The following APBB1IP variants were observed in gnomAD, a reference collection of about 807,000 sequenced individuals.
APBB1IP encodes amyloid beta A4 precursor protein-binding family B member 1-interacting protein.
APBB1IP carries 27 observed loss-of-function variants against 64.9 expected under a neutral mutation model. That is an observed-to-expected ratio of 0.42 (90% confidence interval 0.31 to 0.57). The LOEUF (loss-of-function observed/expected upper bound fraction) is 0.57. Ranked by LOEUF, APBB1IP falls within the 20% of genes least tolerant of loss-of-function variation. The pLI is 0.20. For missense variants in APBB1IP, 812 were observed against 845.5 expected, an observed-to-expected ratio of 0.96 and a Z score of 0.49; for synonymous variants, 392 against 331.0, an observed-to-expected ratio of 1.18 and a Z score of -2.00.
intron 2 of APBB1IP, among the ~76,000 whole-genome samples, chr10:26,472,934 C>CAAAA (rs879867349): frequency 2.7e-5 from 4 of 148,950 alleles, no homozygotes; most frequent in Non-Finnish European, 3.0e-5. Context: ...GAGACTTCAT[C>CAAAA]AAAAACAAAA....
intron 2 of APBB1IP, among the ~76,000 whole-genome samples, chr10:26,454,629 G>A (rs1337050260): frequency 6.6e-6 from 1 of 152,172 alleles, no homozygotes; most frequent in African/African-American, 2.4e-5. Context: ...AAACCAGAAA[G>A]AATGAATAAG....
At chr10:26,526,287 G>A (rs1338773896) in intron 8 of APBB1IP, among the ~76,000 whole-genome samples, 1 of 152,220 alleles carries the variant, frequency 6.6e-6, no homozygotes, top group Non-Finnish European at 1.5e-5. Flanking sequence ...CTTACATAAG[G>A]TAAAGTCAGT....
intron 2 of APBB1IP, among the ~76,000 whole-genome samples, chr10:26,449,179 T>A (rs1028456275): frequency 6.6e-6 from 1 of 152,216 alleles, no homozygotes; most frequent in Non-Finnish European, 1.5e-5. Flanking sequence ...AGTGGCTTAG[T>A]CTTTTAAAAG....
intron 2 of APBB1IP, among the ~76,000 whole-genome samples, chr10:26,465,571 GA>G (rs1183545332): frequency 6.6e-6 from 1 of 151,982 alleles, no homozygotes; most frequent in Non-Finnish European, 1.5e-5. Flanking sequence ...ATTCTCCATA[GA>G]AAAGATATTT....
chr10:26,511,669 A>T (rs569768380), intron 6 of APBB1IP, 78 bp from the exon 7 acceptor site: 1 of 1,538,350 alleles, frequency 6.5e-7, no homozygotes, highest in African/African-American at 1.4e-5. Flanking sequence ...CAGAAACAAT[A>T]GCAACTTTGA....
At chr10:26,494,054 A>G (rs1483714036) in intron 3 of APBB1IP, among the ~76,000 whole-genome samples, 1 of 152,094 alleles carries the variant, frequency 6.6e-6, no homozygotes. Flanking sequence ...CCCAGGCTGG[A>G]TATCATCTTT....
chr10:26,463,859 G>T (rs1254903022), intron 2 of APBB1IP, among the ~76,000 whole-genome samples: 2 of 152,148 alleles, frequency 1.3e-5, no homozygotes, highest in Non-Finnish European at 2.9e-5. Context: ...AGCCCCACAT[G>T]CATTAGGTAT....
At chr10:26,515,721 C>T (rs777876348) in intron 8 of APBB1IP, among the ~76,000 whole-genome samples, 80 of 152,134 alleles carry the variant, frequency 5.3e-4, no homozygotes, top group Non-Finnish European at 5.1e-4. Context: ...GTGGGAGAGC[C>T]GGAGATTACC....
chr10:26,510,072 C>G (rs1371292084), intron 6 of APBB1IP, among the ~76,000 whole-genome samples: 1 of 152,140 alleles, frequency 6.6e-6, no homozygotes. Context: ...CAGTTTCAAG[C>G]GATTCTCCTG....
chr10:26,457,441 C>T lies in APBB1IP; in HGVS notation c.-1+18588C>T, dbSNP rs572884516. Among the ~76,000 whole-genome samples the T allele has an allele frequency of 1.7e-4, 26 of 152,316 alleles. No homozygotes were observed. In the South Asian group the frequency reaches 5.2e-3, roughly 30 times the overall value. ...AGGTATCAGCCACTGTGCCTGGCCT[C>T]ACCTTTGATTTTGGTATCCTTTACC... On this transcript the variant is annotated intron_variant, in intron 2 of 14. Transcript: ENST00000376236.
intron 11 of APBB1IP, among the ~76,000 whole-genome samples, chr10:26,543,355 A>G (rs57673326): frequency 0.054 from 8,128 of 151,342 alleles, 594 homozygotes; most frequent in East Asian, 0.21. Flanking sequence ...TAGTCCCGCT[A>G]CTTGGGGGGC....
intron 2 of APBB1IP, among the ~76,000 whole-genome samples, chr10:26,459,177 A>T (rs1161522658): frequency 2.1e-5 from 3 of 144,780 alleles, no homozygotes; most frequent in Non-Finnish European, 4.5e-5. Context: ...CCTATGAGTG[A>T]GAACATGCGG....
Position 26,500,881 on chromosome 10 carries a change from A to G in APBB1IP, c.223A>G (p.Ile75Val). 1.2e-6 allele frequency: 2 copies of G among 1,614,230 alleles called. No individual in the cohort carries two copies. The highest frequency in any genetic ancestry group is 1.7e-6 in the Non-Finnish European group (2 of 1,180,028). The change falls in exon 5 of 15, where the codon ATA becomes GTA. Residue 75 changes from isoleucine (I) to valine (V), a missense_variant. Ile to Val is a conservative substitution (Grantham distance 29). Coordinates refer to ENST00000376236, the MANE Select transcript of APBB1IP (RefSeq NM_019043.4). ...TCTCATGGCAGATCTGGTAGCAGAC[A>G]TAAGTGAGGCTGAGCAGAGGACAAT... ...DALMADLVAD[I>V]SEAEQRTIQA... is the part of the protein sequence containing the mutation.
chr10:26,537,399 T>C (rs781236367), intron 10 of APBB1IP, among the ~76,000 whole-genome samples: 8 of 152,100 alleles, frequency 5.3e-5, no homozygotes, highest in African/African-American at 9.7e-5. Context: ...AGGAGGGGCA[T>C]TATGGCTAAC....
rs1224847336 is a variant in APBB1IP at position 26,548,783 on chromosome 10, GCAAA to G, written c.1155+7094_1155+7097del. 1.4e-4 allele frequency among the ~76,000 whole-genome samples: 22 copies of G among 152,272 alleles called. 1 individual carries two copies. The highest frequency in any genetic ancestry group is 4.8e-4 in the African/African-American group (20 of 41,556). ...TTCTACATATGAGATCATGTTGTCT[GCAAA>G]CAGAGACCATTTGACTTCCTCCTTT... On this transcript the variant is annotated intron_variant, in intron 11 of 14. Coordinates refer to ENST00000376236, the MANE Select transcript of APBB1IP (RefSeq NM_019043.4).
At chr10:26,506,250 T>TGGGGGGGGGGG (rs60855722) in intron 6 of APBB1IP, among the ~76,000 whole-genome samples, 1 of 62,392 alleles carries the variant, frequency 1.6e-5, no homozygotes. Flanking sequence ...CGTGTGTGTG[T>TGGGGGGGGGGG]GGGGGGGGGG....
At chr10:26,441,598 G>T (rs935465160) in intron 2 of APBB1IP, among the ~76,000 whole-genome samples, 1 of 152,082 alleles carries the variant, frequency 6.6e-6, no homozygotes, top group Non-Finnish European at 1.5e-5. Flanking sequence ...CTCACTGAGT[G>T]GTACCATGGA....
intron 11 of APBB1IP, among the ~76,000 whole-genome samples, chr10:26,543,125 G>C (rs1399782552): frequency 6.6e-6 from 1 of 151,556 alleles, no homozygotes; most frequent in Non-Finnish European, 1.5e-5. Context: ...TGAAGGCCGG[G>C]AGAAGGCTGG....
intron 6 of APBB1IP, among the ~76,000 whole-genome samples, chr10:26,503,589 C>G (rs1002282330): frequency 9.2e-5 from 14 of 151,902 alleles, no homozygotes; most frequent in African/African-American, 3.4e-4. Flanking sequence ...GAGCTGAGAT[C>G]GAGCCACTGC....
Sources: gnomAD v4.1 joint callset for allele counts (sites outside exome capture counted in the v4.1 genomes callset) on GRCh38, gnomAD v4.1.1 for gene constraint, MANE v1.5 for transcripts, NCBI Gene and HGNC (gene_info 2026-07-23, HGNC 2026-07-21) for gene names.